The following AMOTL1 variants were observed in gnomAD, a reference collection of about 807,000 sequenced individuals.
The protein encoded by AMOTL1 is angiomotin-like protein 1.
AMOTL1 carries 45 observed loss-of-function variants against 102.9 expected under a neutral mutation model. That is an observed-to-expected ratio of 0.44 (90% CI 0.34 to 0.56). AMOTL1 has a LOEUF of 0.56. Ranked by LOEUF, AMOTL1 falls within the 20% of genes least tolerant of loss-of-function variation. AMOTL1 has a pLI of 0.01. For missense variants in AMOTL1, 1,114 were observed against 1,225.6 expected (o/e 0.91, Z 1.36); for synonymous variants, 481 against 484.7 (o/e 0.99, Z 0.10).
rs1463548443 is a variant in AMOTL1, at chr11:94,858,382, C to G, written c.1945-1143C>G. The stretch of plus-strand genomic sequence containing the variant: ...GTAGCTTTAAAAAACTGAATAAAAA[C>G]AAAATTTGGTTTACAAAAAACCCAT... On this transcript the variant is annotated intron_variant, in intron 8 of 12. Transcript: ENST00000433060. 2.0e-5 allele frequency among the ~76,000 whole-genome samples: 3 copies of G among 152,262 alleles called. No homozygotes were observed. The East Asian group carries it at 5.8e-4, about 29-fold the overall frequency.
chr11:94,723,919 T>A (rs1474901794), intron 1 of AMOTL1, among the ~76,000 whole-genome samples: 1 of 152,132 alleles, frequency 6.6e-6, no homozygotes, highest in Non-Finnish European at 1.5e-5. Context: ...GGAAAATAAC[T>A]TTTCAAGCTT....
intron 3 of AMOTL1, among the ~76,000 whole-genome samples, chr11:94,813,784 A>G (rs1164092138): frequency 6.6e-6 from 1 of 152,204 alleles, no homozygotes; most frequent in African/African-American, 2.4e-5. Flanking sequence ...TGGACCCAAA[A>G]CACTACACAT....
intron 2 of AMOTL1, among the ~76,000 whole-genome samples, chr11:94,739,964 A>T (rs1470103104): frequency 2.6e-5 from 4 of 152,130 alleles, no homozygotes; most frequent in Non-Finnish European, 5.9e-5. Context: ...GAAAGCAGTC[A>T]ATCTTTTATA....
intron 3 of AMOTL1, among the ~76,000 whole-genome samples, chr11:94,745,444 TA>T (rs1225252290): frequency 4.6e-5 from 7 of 152,120 alleles, no homozygotes; most frequent in East Asian, 1.9e-4. Context: ...TTATTATGAA[TA>T]AAAAAAAGAT....
intron 2 of AMOTL1, among the ~76,000 whole-genome samples, chr11:94,731,980 A>G (rs186331311): frequency 7.9e-5 from 12 of 152,318 alleles, no homozygotes; most frequent in Non-Finnish European, 1.6e-4. Flanking sequence ...TTCTCATCCA[A>G]GCTCACAGCA....
chr11:94,811,532 GC>G (rs1291151339), intron 3 of AMOTL1, among the ~76,000 whole-genome samples: 1 of 150,406 alleles, frequency 6.6e-6, no homozygotes, highest in African/African-American at 2.5e-5. Context: ...CCTTTTGCTG[GC>G]TGTCATTTTC....
intron 2 of AMOTL1, among the ~76,000 whole-genome samples, chr11:94,797,310 T>C (rs1951387507): frequency 6.6e-6 from 1 of 152,232 alleles, no homozygotes; most frequent in Admixed American, 6.5e-5. Flanking sequence ...ACTTTCATAA[T>C]GCTATAATAA....
At chr11:94,706,929 C>A (rs1591871269) in intron 1 of AMOTL1, among the ~76,000 whole-genome samples, 1 of 152,218 alleles carries the variant, frequency 6.6e-6, no homozygotes, top group Non-Finnish European at 1.5e-5. Context: ...GCCATCCATA[C>A]CTCCTTTGCC....
intron 9 of AMOTL1, among the ~76,000 whole-genome samples, chr11:94,862,543 A>G (rs567203967): frequency 6.6e-6 from 1 of 152,222 alleles, no homozygotes; most frequent in Non-Finnish European, 1.5e-5. Flanking sequence ...TGTTGGTCAG[A>G]ATTTTTAGAG....
rs1342371233 is a variant in AMOTL1, at chr11:94,837,384, C to G, written c.1648+5843C>G. 2.0e-5 allele frequency among the ~76,000 whole-genome samples: 3 copies of G among 152,188 alleles called. No homozygotes were observed. The East Asian group carries it at 5.8e-4, about 29-fold the overall frequency. On this transcript the variant is annotated intron_variant, in intron 6 of 12. Coordinates refer to ENST00000433060, the MANE Select transcript of AMOTL1 (RefSeq NM_130847.3). Reference sequence around the variant, plus strand: ...AATACATGTATTCTGCAACACTTCTCCCTGCCTTCTTGCATCTATTTTGGC... The same window carrying G: ...AATACATGTATTCTGCAACACTTCTGCCTGCCTTCTTGCATCTATTTTGGC...
At chr11:94,724,790 T>C (rs1430584240) in intron 1 of AMOTL1, among the ~76,000 whole-genome samples, 2 of 152,266 alleles carry the variant, frequency 1.3e-5, no homozygotes, top group East Asian at 1.9e-4. Context: ...TGTCAGTATA[T>C]ATACATTTAT....
chr11:94,729,878 A>G (rs2245871), intron 2 of AMOTL1, among the ~76,000 whole-genome samples: 73,429 of 152,024 alleles, frequency 0.48, 19,222 homozygotes, highest in Non-Finnish European at 0.58. Context: ...ATAGAGAACA[A>G]CAGACTATAC....
intron 6 of AMOTL1, among the ~76,000 whole-genome samples, chr11:94,842,087 T>A (rs1292774495): frequency 1.3e-5 from 2 of 152,192 alleles, no homozygotes; most frequent in Non-Finnish European, 2.9e-5. Flanking sequence ...ATTTTGTGGT[T>A]AGGCTTTGTT....
chr11:94,857,460 A>T (rs1261227864), intron 8 of AMOTL1, among the ~76,000 whole-genome samples: 2 of 152,236 alleles, frequency 1.3e-5, no homozygotes, highest in African/African-American at 4.8e-5. Context: ...CAGAAAGAAA[A>T]GCTCTTAATC....
Position 94,871,120 on chromosome 11 carries a change from C to T in AMOTL1, c.*325C>T, listed in dbSNP as rs1220448700. On this transcript the variant is annotated 3_prime_UTR_variant, in exon 13 of 13. Transcript: ENST00000433060. ...GGGAGGGCCTGTGTACCCCCATTCT[C>T]TGATTATAAACAGATAAACCCAAAT... is the stretch of plus-strand genomic sequence containing the variant. 5.0e-6 allele frequency: 1 copy of T among 199,064 alleles called. No individual in the cohort carries two copies. Among genetic ancestry groups the T allele is most frequent in the Non-Finnish European group, 1.0e-5 (1 of 97,256 alleles). 12.3% of individuals were successfully genotyped at this position (199,064 alleles called of 1,614,324 possible).
rs534407959 is a variant in AMOTL1, at chr11:94,834,369, C to T, written c.1648+2828C>T. On this transcript the variant is annotated intron_variant, in intron 6 of 12. Transcript: ENST00000433060. ...TTGGGAGGCCGAGGCAGGTGGATCA[C>T]GAGGTCAGGAGATCGAGACCATCCT... is the stretch of plus-strand genomic sequence containing the variant. Among the ~76,000 whole-genome samples, 5 of 152,130 alleles carry T rather than the reference C, an allele frequency of 3.3e-5. No homozygotes were observed. In the East Asian group the frequency reaches 5.8e-4, roughly 18 times the overall value.
chr11:94,859,771 A>G (rs931924218), intron 9 of AMOTL1, 56 bp downstream of exon 9: 2 of 1,506,114 alleles, frequency 1.3e-6, no homozygotes, highest in African/African-American at 2.8e-5. Flanking sequence ...AATCAAAACA[A>G]AACAAACAGG....
At chr11:94,711,802 T>A (rs1236990665) in intron 1 of AMOTL1, among the ~76,000 whole-genome samples, 5 of 152,154 alleles carry the variant, frequency 3.3e-5, no homozygotes, top group Non-Finnish European at 7.4e-5. Flanking sequence ...TTGAATAGTA[T>A]GGATGTACTA....
chr11:94,791,701 G>C (rs1247909080), intron 1 of AMOTL1, among the ~76,000 whole-genome samples: 1 of 152,218 alleles, frequency 6.6e-6, no homozygotes, highest in Non-Finnish European at 1.5e-5. Context: ...ATGGTATCTG[G>C]GAGGCTTCTG....
Sources: gnomAD v4.1 joint callset for allele counts (sites outside exome capture counted in the v4.1 genomes callset) on GRCh38, gnomAD v4.1.1 for gene constraint, MANE v1.5 for transcripts, NCBI Gene and HGNC (gene_info 2026-07-23, HGNC 2026-07-21) for gene names.